The following SEMA4D variants were observed in gnomAD, a reference collection of about 807,000 sequenced individuals.
SEMA4D encodes semaphorin-4D.
A neutral mutation model predicts 74.8 loss-of-function variants in SEMA4D; 22 were observed. The observed-to-expected ratio is 0.29, with a 90% CI of 0.21 to 0.42. SEMA4D has a LOEUF of 0.42. Among genes scored for constraint, SEMA4D ranks in the 10% least tolerant of loss-of-function variants. The pLI is 1.00. For missense variants in SEMA4D, 937 were observed against 1,118.4 expected, an observed-to-expected ratio of 0.84 and a Z score of 2.31; for synonymous variants, 445 against 463.7, an observed-to-expected ratio of 0.96 and a Z score of 0.52.
chr9:89,382,409 G>A lies in SEMA4D; in HGVS notation c.1447-1063C>T, dbSNP rs139638186. Among the ~76,000 whole-genome samples the A allele has an allele frequency of 3.2e-3, 491 of 152,308 alleles. 10 individuals are homozygous for A. The highest frequency in any genetic ancestry group is 0.011 in the African/African-American group (462 of 41,560). The stretch of plus-strand genomic sequence containing the variant: ...ACCTTCATCCTCAGAGGATACGCTC[G>A]GAGTCAACTTCAGAGTGTGGTTGGA... On this transcript the variant is annotated intron_variant, in intron 13 of 15. Coordinates refer to ENST00000422704, the MANE Select transcript of SEMA4D (RefSeq NM_001371194.2).
chr9:89,382,278 T>C (rs1332800573), intron 13 of SEMA4D, among the ~76,000 whole-genome samples: 2 of 152,218 alleles, frequency 1.3e-5, no homozygotes, highest in Non-Finnish European at 2.9e-5. Context: ...CTCTCTAGCC[T>C]CTGCCCAGGG....
chr9:89,434,497 C>A (rs1221962463), intron 2 of SEMA4D, among the ~76,000 whole-genome samples: 1 of 152,220 alleles, frequency 6.6e-6, no homozygotes, highest in Non-Finnish European at 1.5e-5. Flanking sequence ...GTTTAATTCG[C>A]AGGCCCTAGA....
In SEMA4D at chr9:89,363,419, CG is replaced by C. The variant is rs1564476489; in HGVS notation, c.2190+10del. The C allele has an allele frequency of 2.5e-6, 4 of 1,610,828 alleles. No individual in the cohort carries two copies. The Admixed American group carries it at 6.7e-5, about 27-fold the overall frequency. ...CAGCCCTCCTTTCTTTGCCCGGCTG[CG>C]GCCACTTACCCACGCCTTCCTCCAG... On this transcript the variant is annotated intron_variant, in intron 18 of 18. Transcript: ENST00000339861.
At chr9:89,397,843 G>C (rs752850156) in intron 5 of SEMA4D, among the ~76,000 whole-genome samples, 5 of 152,314 alleles carry the variant, frequency 3.3e-5, no homozygotes, top group Non-Finnish European at 5.9e-5. Context: ...CCACCATTGA[G>C]GAAGAATGCC....
chr9:89,377,747 G>A lies in SEMA4D; in HGVS notation c.*957C>T, dbSNP rs1052868196. On this transcript the variant is annotated 3_prime_UTR_variant, in exon 16 of 16. Coordinates refer to ENST00000422704, the MANE Select transcript of SEMA4D (RefSeq NM_001371194.2). The stretch of plus-strand genomic sequence containing the variant: ...ATCTGTCTCACAGGAGGTTCTGACC[G>A]ACAGCTGTGGGCTCCAGATTGTACC... The A allele has an allele frequency of 6.6e-6, 1 of 152,160 alleles. No individual in the cohort carries two copies. The highest frequency in any genetic ancestry group is 1.5e-5 in the Non-Finnish European group (1 of 68,058). 9.4% of individuals were successfully genotyped at this position (152,160 alleles called of 1,614,324 possible).
At chr9:89,364,511 C>T (rs1002166350) in intron 16 of SEMA4D, 9 of 182,016 alleles carry the variant, frequency 4.9e-5, no homozygotes, top group Non-Finnish European at 9.5e-5. Context: ...AGCTCAGACC[C>T]TGGCAGGGGC....
chr9:89,448,734 C>T (rs1270301353), intron 2 of SEMA4D, among the ~76,000 whole-genome samples: 7 of 152,226 alleles, frequency 4.6e-5, no homozygotes, highest in Non-Finnish European at 1.0e-4. Context: ...CCCACATGTT[C>T]ACTCTCTGCA....
chr9:89,372,434 C>A (rs1296966610), downstream of SEMA4D, among the ~76,000 whole-genome samples: 3 of 151,424 alleles, frequency 2.0e-5, no homozygotes, highest in Non-Finnish European at 4.4e-5. Flanking sequence ...TGTGTCCCTG[C>A]CCGTCCTTCA....
At chr9:89,488,152 C>A (rs912670293) in intron 1 of SEMA4D, among the ~76,000 whole-genome samples, 5 of 152,014 alleles carry the variant, frequency 3.3e-5, no homozygotes, top group Non-Finnish European at 7.4e-5. Context: ...AGAACAGAAT[C>A]CAGAAACAAA....
intron 1 of SEMA4D, among the ~76,000 whole-genome samples, chr9:89,493,170 C>A (rs1352546531): frequency 6.6e-6 from 1 of 152,218 alleles, no homozygotes; most frequent in African/African-American, 2.4e-5. Context: ...AGGAGCATCA[C>A]CCACCAGGGA....
At chr9:89,467,870 A>T (rs1859161457) in intron 1 of SEMA4D, among the ~76,000 whole-genome samples, 1 of 152,190 alleles carries the variant, frequency 6.6e-6, no homozygotes, top group Non-Finnish European at 1.5e-5. Flanking sequence ...TGCCCACAGC[A>T]GAAGCAGGGA....
intron 1 of SEMA4D, among the ~76,000 whole-genome samples, chr9:89,462,041 CTAGGA>C (rs1300397718): frequency 2.0e-5 from 3 of 152,058 alleles, no homozygotes; most frequent in Non-Finnish European, 2.9e-5. Flanking sequence ...AATTTTAAGG[CTAGGA>C]TGAGTTTTAC....
chr9:89,492,318 G>A lies in SEMA4D; in HGVS notation c.-310+5601C>T, dbSNP rs955884319. On this transcript the variant is annotated intron_variant, in intron 1 of 15. Coordinates refer to ENST00000422704, the MANE Select transcript of SEMA4D (RefSeq NM_001371194.2). This position sits in a 1 kb window ranked among gnomAD's most constrained non-coding sequence, Gnocchi z 4.3. ...GAACCCTCTGGTTATCCCCTACCTC[G>A]CTGGCCGCACCTTCTTGGTTTCTTG... 2.6e-5 allele frequency among the ~76,000 whole-genome samples: 4 copies of A among 152,014 alleles called. No individual in the cohort carries two copies. The highest frequency in any genetic ancestry group is 5.9e-5 in the Non-Finnish European group (4 of 68,014).
At chr9:89,404,224 C>T (rs564245497) in intron 3 of SEMA4D, among the ~76,000 whole-genome samples, 39 of 152,214 alleles carry the variant, frequency 2.6e-4, no homozygotes, top group Non-Finnish European at 3.4e-4. Flanking sequence ...GCACGTAGGA[C>T]GAGCATTCTT....
intron 1 of SEMA4D, among the ~76,000 whole-genome samples, chr9:89,457,781 C>T (rs1856291052): frequency 6.6e-6 from 1 of 151,876 alleles, no homozygotes; most frequent in Non-Finnish European, 1.5e-5. Flanking sequence ...TGCCTGTAAT[C>T]CCAGCCCTTT....
chr9:89,455,054 G>C (rs983292459), intron 2 of SEMA4D, among the ~76,000 whole-genome samples: 3 of 152,254 alleles, frequency 2.0e-5, no homozygotes, highest in Admixed American at 6.5e-5. Flanking sequence ...GGTGGGGACA[G>C]GGCCAGAGAA....
intron 2 of SEMA4D, chr9:89,418,268 A>G (rs1846133631): frequency 4.2e-6 from 3 of 715,748 alleles, no homozygotes; most frequent in Non-Finnish European, 5.1e-6. Context: ...CTTGGCTTGC[A>G]TGTGCTGGGG....
chr9:89,465,161 G>A (rs932711928), intron 1 of SEMA4D, among the ~76,000 whole-genome samples: 1 of 152,114 alleles, frequency 6.6e-6, no homozygotes, highest in Non-Finnish European at 1.5e-5. Context: ...GGGAAGATCC[G>A]CCCACAGAAT....
At chr9:89,362,107 A>G (rs1832805048) in exon 19 of SEMA4D, 1 of 562,356 alleles carries the variant, frequency 1.8e-6, no homozygotes, top group Non-Finnish European at 3.2e-6. Context: ...ACGAGCAGCT[A>G]TCAAAGCCTG....
Sources: gnomAD v4.1 joint callset for allele counts (sites outside exome capture counted in the v4.1 genomes callset) on GRCh38, gnomAD v4.1.1 for gene constraint, Gnocchi (gnomAD v3.1) non-coding constraint, MANE v1.5 for transcripts, NCBI Gene and HGNC (gene_info 2026-07-23, HGNC 2026-07-21) for gene names.